RYR2: variants seen among roughly 807,000 people sequenced by gnomAD.
RYR2 encodes cardiac muscle ryanodine receptor-calcium release channel.
In RYR2, 227 loss-of-function variants were observed where a neutral mutation model predicts 601.1. That is an observed-to-expected ratio of 0.38 (90% CI 0.34 to 0.42). RYR2 has a LOEUF of 0.42. Ranked by LOEUF, RYR2 falls within the 10% of genes least tolerant of loss-of-function variation. RYR2 has a pLI of 1.00. For missense variants in RYR2, 4,646 were observed against 6,156.5 expected (o/e 0.75, Z 8.21); for synonymous variants, 2,223 against 2,175.1 (o/e 1.02, Z -0.61).
intron 1 of RYR2, among the ~76,000 whole-genome samples, chr1:237,127,567 C>G (rs1418236719): frequency 2.7e-5 from 4 of 149,022 alleles, no homozygotes; most frequent in African/African-American, 9.9e-5. Flanking sequence ...GGGGGCTGAC[C>G]CCCCCCACCT....
At chr1:237,544,620 A>G (rs1413890917) in intron 25 of RYR2, among the ~76,000 whole-genome samples, 1 of 152,184 alleles carries the variant, frequency 6.6e-6, no homozygotes, top group Non-Finnish European at 1.5e-5. Flanking sequence ...TTTTAACCAC[A>G]AGAAGATAAT....
intron 73 of RYR2, 88 bp from the exon 74 acceptor site, chr1:237,723,040 A>G: frequency 8.6e-7 from 1 of 1,164,642 alleles, no homozygotes; most frequent in Non-Finnish European, 1.2e-6. Context: ...CCAATAAATA[A>G]TGATGGGTGG....
intron 1 of RYR2, among the ~76,000 whole-genome samples, chr1:237,253,836 C>T (rs899935640): frequency 3.9e-5 from 6 of 152,098 alleles, no homozygotes; most frequent in African/African-American, 1.4e-4. Flanking sequence ...GTCATGGTGC[C>T]TGGTACACCA....
intron 1 of RYR2, among the ~76,000 whole-genome samples, chr1:237,097,797 T>C (rs890468450): frequency 5.3e-5 from 8 of 152,174 alleles, no homozygotes; most frequent in African/African-American, 1.9e-4. Context: ...CCAGTCCGTG[T>C]CACCCCCAGG....
chr1:237,821,132 A>G (rs927413416), intron 101 of RYR2, among the ~76,000 whole-genome samples: 2 of 152,208 alleles, frequency 1.3e-5, no homozygotes, highest in Non-Finnish European at 2.9e-5. Flanking sequence ...CCTGACAGCT[A>G]TGAGGAGAGC....
chr1:237,512,134 C>A (rs1665979887), intron 24 of RYR2, among the ~76,000 whole-genome samples: 1 of 152,076 alleles, frequency 6.6e-6, no homozygotes. Context: ...CAAATTGTTA[C>A]TGGTTTGTGA....
chr1:237,093,413 C>T (rs752353005), intron 1 of RYR2, among the ~76,000 whole-genome samples: 4 of 152,096 alleles, frequency 2.6e-5, no homozygotes, highest in Non-Finnish European at 4.4e-5. Context: ...TGGAGCTGCC[C>T]GGGCAGTCAC....
intron 101 of RYR2, among the ~76,000 whole-genome samples, chr1:237,822,260 A>G (rs1662593656): frequency 6.6e-6 from 1 of 152,124 alleles, no homozygotes; most frequent in Non-Finnish European, 1.5e-5. Flanking sequence ...AAAAAATGTT[A>G]ATTAAGGGCA....
chr1:237,827,934 CTCAAAAAAA>C (rs1663339857), intron 101 of RYR2, among the ~76,000 whole-genome samples: 1 of 64,320 alleles, frequency 1.6e-5, no homozygotes, highest in South Asian at 7.6e-4. Flanking sequence ...GAGACTCCGT[CTCAAAAAAA>C]AAAAAAAAAA....
intron 1 of RYR2, among the ~76,000 whole-genome samples, chr1:237,104,707 A>G (rs1668475714): frequency 1.3e-5 from 2 of 152,150 alleles, no homozygotes; most frequent in South Asian, 4.1e-4. Context: ...TTCAGGTTTT[A>G]CCCAGGGCAC....
chr1:237,632,651 C>T (rs1680475012), intron 42 of RYR2, among the ~76,000 whole-genome samples: 1 of 151,980 alleles, frequency 6.6e-6, no homozygotes, highest in African/African-American at 2.4e-5. Flanking sequence ...CTGCCTTGGC[C>T]TCCCAAAGTG....
In RYR2 at chr1:237,830,382, A is replaced by G. The variant is rs1466907638; in HGVS notation, c.14656-148A>G. 2.4e-5 allele frequency: 14 copies of G among 583,730 alleles called. No homozygotes were observed. In the East Asian group the frequency reaches 3.8e-4, roughly 16 times the overall value. The allele number at this position is 583,730 out of a possible 1,614,324, so 36.2% of individuals were successfully genotyped here. A position where few individuals can be genotyped will look rare whatever the true frequency, so the allele number is the denominator to read the frequency against. On this transcript the variant is annotated intron_variant, in intron 102 of 104. Coordinates refer to ENST00000366574, the MANE Select transcript of RYR2 (RefSeq NM_001035.3). ...TATAGTTACAGCGACAGTTCCATTTATATTCGTGGGCTTGGCACAGCCTCC... is the reference window on the plus strand; with the variant it reads ...TATAGTTACAGCGACAGTTCCATTTGTATTCGTGGGCTTGGCACAGCCTCC...
chr1:237,267,400 G>A (rs560352363), intron 1 of RYR2, among the ~76,000 whole-genome samples: 15 of 152,246 alleles, frequency 9.9e-5, no homozygotes, highest in African/African-American at 3.6e-4. Context: ...CTTGCCTATA[G>A]TCCCAGCTAC....
intron 100 of RYR2, among the ~76,000 whole-genome samples, chr1:237,813,027 A>C (rs761190767): frequency 5.3e-5 from 8 of 151,870 alleles, no homozygotes; most frequent in Non-Finnish European, 7.4e-5. Context: ...TCCCACGCCT[A>C]TTCATTCATT....
At chr1:237,702,536 A>C (rs1024978539) in intron 66 of RYR2, among the ~76,000 whole-genome samples, 1 of 152,130 alleles carries the variant, frequency 6.6e-6, no homozygotes, top group Non-Finnish European at 1.5e-5. Flanking sequence ...TTTAGTAAGA[A>C]ATTTCTGTGA....
chr1:237,535,299 AG>A (rs1461291835), intron 25 of RYR2, among the ~76,000 whole-genome samples: 1 of 152,050 alleles, frequency 6.6e-6, no homozygotes, highest in Non-Finnish European at 1.5e-5. Context: ...AGATTGACAA[AG>A]GAAAAAGAAA....
intron 24 of RYR2, among the ~76,000 whole-genome samples, chr1:237,526,697 T>G (rs1667626165): frequency 6.6e-6 from 1 of 152,190 alleles, no homozygotes; most frequent in Non-Finnish European, 1.5e-5. Flanking sequence ...TTGAGTTGTT[T>G]AAGTTCTGTG....
At chr1:237,709,813 A>G (rs1223829485) in intron 70 of RYR2, among the ~76,000 whole-genome samples, 1 of 152,186 alleles carries the variant, frequency 6.6e-6, no homozygotes, top group African/African-American at 2.4e-5. Context: ...TTGCATAAAG[A>G]TGTACTATTT....
chr1:237,417,014 C>T lies in RYR2; in HGVS notation c.774-35C>T, dbSNP rs77288560. The T allele has an allele frequency of 8.0e-4, 1,265 of 1,589,950 alleles. 14 individuals are homozygous for T. The African/African-American group carries it at 0.015, about 19-fold the overall frequency. On this transcript the variant is annotated intron_variant, in intron 10 of 104. Coordinates refer to ENST00000366574, the MANE Select transcript of RYR2 (RefSeq NM_001035.3). ...AGTCCAAAGAATGAAACATGTTTAA[C>T]TCACATTTGGGCTTTTGTTTGTTTG...
Sources: gnomAD v4.1 joint callset for allele counts (sites outside exome capture counted in the v4.1 genomes callset) on GRCh38, gnomAD v4.1.1 for gene constraint, MANE v1.5 for transcripts, NCBI Gene and HGNC (gene_info 2026-07-23, HGNC 2026-07-21) for gene names.